MAD1L1: variants seen among roughly 807,000 people sequenced by gnomAD.
MAD1L1 encodes the protein mitotic arrest deficient 1 like 1, also known as mitotic spindle assembly checkpoint protein MAD1.
A neutral mutation model predicts 96.9 loss-of-function variants in MAD1L1; 95 were observed. The ratio of observed to expected loss-of-function variants is 0.98; its 90% confidence interval spans 0.83 to 1.16. The LOEUF (loss-of-function observed/expected upper bound fraction) is 1.16. Ranked by LOEUF, MAD1L1 falls within the 50% of genes most tolerant of loss-of-function variation. The probability of loss-of-function intolerance (pLI) is 0.00; values close to 1 mark genes in which losing one functional copy is unlikely to be tolerated. For synonymous variants in MAD1L1, 473 were observed against 396.6 expected, an observed-to-expected ratio of 1.19 and a Z score of -2.29; for missense variants, 1,007 against 954.4, an observed-to-expected ratio of 1.06 and a Z score of -0.73.
rs185276788 is a variant in MAD1L1 at position 1,871,619 on chromosome 7, C to T, written c.1998+26581G>A. The stretch of plus-strand genomic sequence containing the variant: ...CACCTGCCACGCCGAACCCACCATA[C>T]GCCTGCCACACTGAACCCAACATAC... On this transcript the variant is annotated intron_variant, in intron 18 of 18. Transcript: ENST00000265854. Among the ~76,000 whole-genome samples the T allele has an allele frequency of 9.1e-3, 1,349 of 148,510 alleles. 19 individuals are homozygous for T. The highest frequency in any genetic ancestry group is 0.032 in the African/African-American group (1,297 of 40,136).
chr7:2,003,142 C>T lies in MAD1L1; in HGVS notation c.1360-1021G>A, dbSNP rs545118644. Among the ~76,000 whole-genome samples the T allele has an allele frequency of 2.1e-4, 4 of 19,252 alleles. No individual in the cohort carries two copies. In the South Asian group the frequency reaches 4.4e-3, roughly 21 times the overall value. 12.6% of individuals were successfully genotyped at this position (19,252 alleles called of 152,430 possible). A position where few individuals can be genotyped will look rare whatever the true frequency, so the allele number is the denominator to read the frequency against. ...GGGTGTGGGATCTGCGGGGTGGAGGCCCAGCAGGCCTGAGGGTGAGGGAGA... is the reference window on the plus strand; with the variant it reads ...GGGTGTGGGATCTGCGGGGTGGAGGTCCAGCAGGCCTGAGGGTGAGGGAGA... On this transcript the variant is annotated intron_variant, in intron 13 of 18. Coordinates refer to ENST00000265854, the MANE Select transcript of MAD1L1 (RefSeq NM_001013836.2).
chr7:2,043,411 C>T (rs1480292146), intron 12 of MAD1L1, among the ~76,000 whole-genome samples: 1 of 152,210 alleles, frequency 6.6e-6, no homozygotes, highest in Non-Finnish European at 1.5e-5. Flanking sequence ...CAAGGAAGAG[C>T]TCTTTAATTA....
At chr7:2,094,453 C>A (rs1265360507) in intron 11 of MAD1L1, among the ~76,000 whole-genome samples, 1 of 152,184 alleles carries the variant, frequency 6.6e-6, no homozygotes, top group African/African-American at 2.4e-5. Context: ...ACACAAAAAA[C>A]CAAAGTCTAT....
chr7:1,887,167 G>A (rs1297977744), intron 18 of MAD1L1, among the ~76,000 whole-genome samples: 1 of 152,276 alleles, frequency 6.6e-6, no homozygotes, highest in Admixed American at 6.5e-5. Context: ...GATCACAGAA[G>A]CAGGTGCCAC....
chr7:1,907,859 G>A (rs915351616), intron 17 of MAD1L1, among the ~76,000 whole-genome samples: 5 of 152,226 alleles, frequency 3.3e-5, no homozygotes, highest in Non-Finnish European at 7.3e-5. Flanking sequence ...GTGGAGTGAG[G>A]GGGCAGTGCG....
chr7:1,827,284 G>A (rs1468243261), intron 18 of MAD1L1, among the ~76,000 whole-genome samples: 2 of 152,238 alleles, frequency 1.3e-5, no homozygotes, highest in Non-Finnish European at 2.9e-5. Context: ...ACACAATGAA[G>A]GTTAAGGGAA....
intron 12 of MAD1L1, among the ~76,000 whole-genome samples, chr7:2,044,590 C>T (rs530670524): frequency 2.0e-5 from 3 of 152,214 alleles, no homozygotes; most frequent in South Asian, 2.1e-4. Context: ...GGGGTGCGGC[C>T]GGGAGGTCTG....
At chr7:1,983,090 A>ATGCACACACACACACG in intron 14 of MAD1L1, among the ~76,000 whole-genome samples, 1 of 151,982 alleles carries the variant, frequency 6.6e-6, no homozygotes, top group East Asian at 1.9e-4. Context: ...ATGCGCGTGC[A>ATGCACACACACACACG]TGCACACACA....
At chr7:1,921,030 G>A (rs1182201983) in intron 17 of MAD1L1, among the ~76,000 whole-genome samples, 1 of 152,218 alleles carries the variant, frequency 6.6e-6, no homozygotes, top group Non-Finnish European at 1.5e-5. Context: ...GTGGGAAGAG[G>A]GCGGAGAGGC....
chr7:2,122,819 C>G (rs562911833), intron 11 of MAD1L1, among the ~76,000 whole-genome samples: 1 of 152,238 alleles, frequency 6.6e-6, no homozygotes, highest in Non-Finnish European at 1.5e-5. Flanking sequence ...GAAGTCAAGG[C>G]GCAGGATCTG....
chr7:1,856,824 G>A (rs529391417), intron 18 of MAD1L1, among the ~76,000 whole-genome samples: 1 of 152,276 alleles, frequency 6.6e-6, no homozygotes, highest in African/African-American at 2.4e-5. Flanking sequence ...CGGCTGGAGG[G>A]ACTCCTGCGG....
At chr7:1,987,911 G>A (rs1027447969) in intron 14 of MAD1L1, among the ~76,000 whole-genome samples, 4 of 152,132 alleles carry the variant, frequency 2.6e-5, no homozygotes, top group Admixed American at 6.5e-5. Context: ...TCCCAGGCAC[G>A]GGACCATGTC....
intron 15 of MAD1L1, 87 bp from the exon 16 acceptor site, chr7:1,957,806 G>T (rs1304215123): frequency 7.0e-6 from 8 of 1,135,402 alleles, no homozygotes; most frequent in Non-Finnish European, 1.1e-5. Flanking sequence ...GAGGTGAAAG[G>T]TTAGGAGACC....
At chr7:2,156,821 CAAA>C (rs796679600) in intron 10 of MAD1L1, among the ~76,000 whole-genome samples, 5 of 91,522 alleles carry the variant, frequency 5.5e-5, no homozygotes, top group Admixed American at 1.2e-4. Context: ...GACTCCATCT[CAAA>C]AAAAAAAAAA....
chr7:1,819,262 C>T (rs6965294), intron 18 of MAD1L1, among the ~76,000 whole-genome samples: 101,361 of 152,080 alleles, frequency 0.67, 34,534 homozygotes, highest in African/African-American at 0.79. Flanking sequence ...GCTGGAAATA[C>T]TTCTGAGGCT....
At chr7:1,899,686 C>T (rs1194146565) in intron 17 of MAD1L1, among the ~76,000 whole-genome samples, 1 of 152,166 alleles carries the variant, frequency 6.6e-6, no homozygotes, top group Non-Finnish European at 1.5e-5. Flanking sequence ...CCACAGTCCA[C>T]TCTAGGGGAG....
chr7:2,174,691 T>C (rs1244114028), intron 10 of MAD1L1, among the ~76,000 whole-genome samples: 1 of 152,206 alleles, frequency 6.6e-6, no homozygotes, highest in East Asian at 1.9e-4. Flanking sequence ...TTCCCAGAAC[T>C]CTTCTTGTTC....
At chr7:1,957,209 G>A (rs1779763488) in intron 16 of MAD1L1, among the ~76,000 whole-genome samples, 1 of 152,278 alleles carries the variant, frequency 6.6e-6, no homozygotes, top group Non-Finnish European at 1.5e-5. Flanking sequence ...CAGGTGCCAA[G>A]ATAAAATCAA....
chr7:1,900,504 A>C (rs1157214449), intron 17 of MAD1L1, among the ~76,000 whole-genome samples: 2 of 152,160 alleles, frequency 1.3e-5, no homozygotes, highest in Admixed American at 6.5e-5. Flanking sequence ...CTCCAGCAGG[A>C]CGAGGCTGGG....
Sources: gnomAD v4.1 joint callset for allele counts (sites outside exome capture counted in the v4.1 genomes callset) on GRCh38, gnomAD v4.1.1 for gene constraint, MANE v1.5 for transcripts, NCBI Gene and HGNC (gene_info 2026-07-23, HGNC 2026-07-21) for gene names.